Variants in CDK15 observed in about 807,000 individuals in gnomAD.
CDK15 encodes cyclin-dependent kinase 15.
Under a neutral mutation model 60.3 loss-of-function variants are expected in CDK15, and 62 were observed. The observed-to-expected ratio is 1.03, with a 90% CI of 0.84 to 1.27. The LOEUF (loss-of-function observed/expected upper bound fraction) is 1.27, where lower values mean the gene tolerates loss of function less well. Ranked by LOEUF, CDK15 falls within the 50% of genes most tolerant of loss-of-function variation. The pLI, the probability that CDK15 is intolerant of heterozygous loss-of-function variation, is 0.00. For missense variants in CDK15, 541 were observed against 527.8 expected, an observed-to-expected ratio of 1.03 and a Z score of -0.25; for synonymous variants, 194 against 195.7, an observed-to-expected ratio of 0.99 and a Z score of 0.07.
intron 12 of CDK15, among the ~76,000 whole-genome samples, chr2:201,884,472 G>A (rs558132248): frequency 2.6e-5 from 4 of 152,252 alleles, no homozygotes; most frequent in South Asian, 2.1e-4. Flanking sequence ...TCTATACTCC[G>A]AAAGTTCTTC....
intron 6 of CDK15, among the ~76,000 whole-genome samples, chr2:201,826,665 C>A (rs942154291): frequency 3.3e-5 from 5 of 151,964 alleles, no homozygotes; most frequent in African/African-American, 1.2e-4. Context: ...CTCCAGGTTC[C>A]ATTAGTGCGT....
At position 201,867,248 on chromosome 2, in the gene CDK15, G is replaced by C. The variant is rs1698667985; in HGVS notation, c.1010-5030G>C. Among the ~76,000 whole-genome samples the C allele has an allele frequency of 3.9e-5, 6 of 152,306 alleles. 1 individual carries two copies. The South Asian group carries it at 1.2e-3, about 32-fold the overall frequency. On this transcript the variant is annotated intron_variant, in intron 10 of 13. Coordinates refer to ENST00000652192, the MANE Select transcript of CDK15 (RefSeq NM_001366386.2). ...CAGAGAAGTGTTTGTTGAGTTGCTG[G>C]TGAGTGATAGACCCTGCCCTCTTTG... is the stretch of plus-strand genomic sequence containing the variant.
intron 6 of CDK15, among the ~76,000 whole-genome samples, chr2:201,832,929 C>T (rs1207084149): frequency 1.3e-5 from 2 of 152,204 alleles, no homozygotes; most frequent in East Asian, 3.8e-4. Context: ...TGACATACGT[C>T]TTTGTAAATA....
intron 11 of CDK15, among the ~76,000 whole-genome samples, chr2:201,874,101 T>C: frequency 6.7e-6 from 1 of 149,804 alleles, no homozygotes; most frequent in South Asian, 2.1e-4. Context: ...AGGTAATGTT[T>C]AGGGGTGTTT....
At chr2:201,836,171 TATATATTA>T (rs1697071183) in intron 8 of CDK15, among the ~76,000 whole-genome samples, 1 of 86,466 alleles carries the variant, frequency 1.2e-5, no homozygotes, top group Admixed American at 1.9e-4. Context: ...TTTATATATT[TATATATTA>T]TATATATTTT....
chr2:201,892,844 G>A, intron 13 of CDK15, among the ~76,000 whole-genome samples: 1 of 152,178 alleles, frequency 6.6e-6, no homozygotes, highest in East Asian at 1.9e-4. Flanking sequence ...ATGTAAATTG[G>A]CGTATTAGGA....
At chr2:201,847,986 G>T (rs963238263) in intron 9 of CDK15, among the ~76,000 whole-genome samples, 1 of 152,102 alleles carries the variant, frequency 6.6e-6, no homozygotes, top group Non-Finnish European at 1.5e-5. Context: ...AAATGAGTGG[G>T]CTGTGTGGCG....
At chr2:201,884,556 T>A (rs767091907) in intron 12 of CDK15, among the ~76,000 whole-genome samples, 1 of 152,232 alleles carries the variant, frequency 6.6e-6, no homozygotes, top group Non-Finnish European at 1.5e-5. Context: ...CAGGCCTTCT[T>A]TGAGTGTTAT....
intron 10 of CDK15, among the ~76,000 whole-genome samples, chr2:201,867,718 T>C (rs910850006): frequency 4.0e-5 from 6 of 151,588 alleles, no homozygotes; most frequent in African/African-American, 1.4e-4. Flanking sequence ...CCTCAGGGCT[T>C]CCTTTCTCGT....
chr2:201,891,087 T>C (rs1699625843), intron 13 of CDK15, among the ~76,000 whole-genome samples, 160 bp downstream of exon 13: 1 of 152,254 alleles, frequency 6.6e-6, no homozygotes, highest in Non-Finnish European at 1.5e-5. Context: ...CAGGCCTCCA[T>C]TGCCTGGGCT....
chr2:201,885,680 C>T (rs1375432029), intron 12 of CDK15, among the ~76,000 whole-genome samples: 3 of 152,092 alleles, frequency 2.0e-5, no homozygotes, highest in Non-Finnish European at 2.9e-5. Context: ...AAATTTGTTA[C>T]GTTCATGGCT....
rs140233548 is a variant in CDK15 at position 201,846,671 on chromosome 2, A to G, written c.852-710A>G. Among the ~76,000 whole-genome samples the G allele has an allele frequency of 3.3e-5, 5 of 152,182 alleles. No homozygotes were observed. In the East Asian group the frequency reaches 7.7e-4, roughly 24 times the overall value. ...CAGGAGTCAAAAGTAAGCTAACACT[A>G]CATAACTGCAAGGCCAGCTTAGGAG... On this transcript the variant is annotated intron_variant, in intron 8 of 13. Coordinates refer to ENST00000652192, the MANE Select transcript of CDK15 (RefSeq NM_001366386.2).
chr2:201,863,845 A>AAGATCATGCTGCTGCACTCT (rs1433042637), intron 10 of CDK15, among the ~76,000 whole-genome samples: 2 of 152,150 alleles, frequency 1.3e-5, no homozygotes, highest in Non-Finnish European at 2.9e-5. Context: ...GCAGTGAGCC[A>AAGATCATGCTGCTGCACTCT]AGATCATGCT....
chr2:201,851,554 C>T (rs567690312), intron 9 of CDK15, among the ~76,000 whole-genome samples: 68 of 152,294 alleles, frequency 4.5e-4, no homozygotes, highest in Middle Eastern at 6.8e-3. Context: ...CCTAATCACA[C>T]GCTAAAGGTG....
chr2:201,839,931 G>A (rs1308799436), intron 8 of CDK15, among the ~76,000 whole-genome samples: 2 of 151,798 alleles, frequency 1.3e-5, no homozygotes, highest in Non-Finnish European at 2.9e-5. Context: ...TGAGAAGAAT[G>A]TGTGTGTCCA....
At chr2:201,818,748 A>G (rs2106163514) in intron 4 of CDK15, among the ~76,000 whole-genome samples, 1 of 152,332 alleles carries the variant, frequency 6.6e-6, no homozygotes, top group Non-Finnish European at 1.5e-5. Context: ...GAAAAGCAGT[A>G]CTAGGAATGG....
chr2:201,822,432 C>T (rs760274009), intron 4 of CDK15, among the ~76,000 whole-genome samples: 4 of 152,230 alleles, frequency 2.6e-5, no homozygotes, highest in Non-Finnish European at 2.9e-5. Context: ...GCAGAACACT[C>T]CATTTCCTGC....
At chr2:201,885,853 C>T (rs1339299733) in intron 12 of CDK15, among the ~76,000 whole-genome samples, 2 of 152,146 alleles carry the variant, frequency 1.3e-5, no homozygotes, top group African/African-American at 4.8e-5. Flanking sequence ...TATAAATTAT[C>T]AATCTATGTA....
intron 11 of CDK15, among the ~76,000 whole-genome samples, chr2:201,874,426 T>C (rs551524440): frequency 6.6e-6 from 1 of 152,328 alleles, no homozygotes; most frequent in East Asian, 1.9e-4. Context: ...CATATATTAT[T>C]ATATTTAATC....
Sources: gnomAD v4.1 joint callset for allele counts (sites outside exome capture counted in the v4.1 genomes callset) on GRCh38, gnomAD v4.1.1 for gene constraint, MANE v1.5 for transcripts, NCBI Gene and HGNC (gene_info 2026-07-23, HGNC 2026-07-21) for gene names.